The following OPTN variants were observed in gnomAD, a reference collection of about 807,000 sequenced individuals.
The protein encoded by OPTN is E3-14.7K-interacting protein.
OPTN carries 54 observed loss-of-function variants against 70.4 expected under a neutral mutation model. The observed-to-expected ratio is 0.77, with a 90% CI of 0.62 to 0.96. The LOEUF (loss-of-function observed/expected upper bound fraction) is 0.96. OPTN is among the 40% of genes least tolerant of loss of function. The pLI is 0.00. For missense variants in OPTN, 624 were observed against 673.2 expected, an observed-to-expected ratio of 0.93 and a Z score of 0.81; for synonymous variants, 256 against 248.5, an observed-to-expected ratio of 1.03 and a Z score of -0.28.
At chr10:13,104,647 A>T (rs1832825597) in intron 1 of OPTN, 1 of 690,276 alleles carries the variant, frequency 1.4e-6, no homozygotes, top group Non-Finnish European at 2.7e-6. Flanking sequence ...TCTGTTGCCC[A>T]CTAGTCGCCA....
Position 13,111,487 on chromosome 10 carries a change from G to C in OPTN, c.370-966G>C, listed in dbSNP as rs552868399. 2.4e-4 allele frequency among the ~76,000 whole-genome samples: 37 copies of C among 152,066 alleles called. No individual in the cohort carries two copies. The East Asian group carries it at 3.3e-3, about 14-fold the overall frequency. ...CTAGGGTGGGCAGATCACCTGAGGT[G>C]AGGAGTTCGAGACCAGCCTGGCCAA... On this transcript the variant is annotated intron_variant, in intron 4 of 14. Transcript: ENST00000378747.
At position 13,125,106 on chromosome 10, in the gene OPTN, G is replaced by A. The variant is rs116591871; in HGVS notation, c.999-312G>A. Among the ~76,000 whole-genome samples the A allele has an allele frequency of 8.5e-3, 1,299 of 152,046 alleles. 16 individuals are homozygous for A. The highest frequency in any genetic ancestry group is 0.028 in the African/African-American group (1,170 of 41,448). On this transcript the variant is annotated intron_variant, in intron 9 of 14. Coordinates refer to ENST00000378747, the MANE Select transcript of OPTN (RefSeq NM_001008212.2). ...ATCCACACATCACTACATGAGAAGC[G>A]CCTTAGCTAATTACTACTGTGGTCT...
chr10:13,113,053 ACT>A (rs1268968893), intron 5 of OPTN, among the ~76,000 whole-genome samples: 4 of 151,950 alleles, frequency 2.6e-5, no homozygotes, highest in Admixed American at 2.6e-4. Context: ...ACAGAGTCTT[ACT>A]CTGTCTTCCC....
intron 3 of OPTN, chr10:13,110,069 A>G: frequency 1.2e-6 from 1 of 802,490 alleles, no homozygotes; most frequent in Non-Finnish European, 1.9e-6. Flanking sequence ...TGGGATTTTT[A>G]AGGACTAGAA....
At position 13,114,099 on chromosome 10, in the gene OPTN, T is replaced by C. The variant is rs1003708200; in HGVS notation, c.552+1464T>C. On this transcript the variant is annotated intron_variant, in intron 5 of 14. Coordinates refer to ENST00000378747, the MANE Select transcript of OPTN (RefSeq NM_001008212.2). Reference sequence around the variant, plus strand: ...AAAAAAAAAAGAAAAGAAAAAAAATTGTGTCCTTGGAAGAGAAAAATGTAC... The same window carrying C: ...AAAAAAAAAAGAAAAGAAAAAAAATCGTGTCCTTGGAAGAGAAAAATGTAC... Among the ~76,000 whole-genome samples, 4 of 151,540 alleles carry C rather than the reference T, an allele frequency of 2.6e-5. No individual in the cohort carries two copies. In the South Asian group the frequency reaches 6.3e-4, roughly 24 times the overall value.
chr10:13,102,034 G>A (rs906759235), intron 1 of OPTN, among the ~76,000 whole-genome samples: 16 of 152,226 alleles, frequency 1.1e-4, no homozygotes, highest in South Asian at 4.1e-4. Flanking sequence ...CAGAATGGGC[G>A]GAGGAGGTGG....
intron 1 of OPTN, among the ~76,000 whole-genome samples, chr10:13,107,389 T>G (rs1832889548): frequency 9.3e-6 from 1 of 107,428 alleles, no homozygotes. Context: ...AAAACAGTCT[T>G]TTTTTTTTTT....
At chr10:13,108,066 T>C (rs1407736499) in intron 1 of OPTN, 72 bp from the exon 2 acceptor site, 1 of 152,254 alleles carries the variant, frequency 6.6e-6, no homozygotes, top group Admixed American at 6.5e-5. Context: ...TATCTTAGTC[T>C]TTTCAGTATG....
chr10:13,107,593 G>A lies in OPTN; in HGVS notation c.-163-545G>A, dbSNP rs1379615726. 2.0e-5 allele frequency among the ~76,000 whole-genome samples: 3 copies of A among 151,722 alleles called. No individual in the cohort carries two copies. The East Asian group carries it at 6.0e-4, about 30-fold the overall frequency. On this transcript the variant is annotated intron_variant, in intron 1 of 14. Transcript: ENST00000378747. ...AGACAGGGTTTCACCGTGTTAGCCA[G>A]GATGGTCTCGATCTCCTGACCTCGT...
intron 5 of OPTN, among the ~76,000 whole-genome samples, chr10:13,115,804 AACTTGGCCAAG>A (rs1833194233): frequency 6.6e-6 from 1 of 151,520 alleles, no homozygotes; most frequent in Non-Finnish European, 1.5e-5. Flanking sequence ...AATGGGAACC[AACTTGGCCAAG>A]ATGGTGCTTT....
In OPTN at chr10:13,127,865, G is replaced by A. The variant is rs1833502024; in HGVS notation, c.1363G>A (p.Glu455Lys). The change falls in exon 12 of 15, where the codon GAA becomes AAA. Residue 455 changes from glutamate (E) to lysine (K), a missense_variant. By Grantham distance (56) the Glu-to-Lys change is moderately conservative. Coordinates refer to ENST00000378747, the MANE Select transcript of OPTN (RefSeq NM_001008212.2). The part of the protein sequence containing the change: ...DEMKQTIAKQ[E>K]EDLETMTILR... Reference sequence around the variant, plus strand: ...AATGAAGCAAACCATTGCCAAGCAGGAAGAGGACCTGGAAACCATGACCAT... The same window carrying A: ...AATGAAGCAAACCATTGCCAAGCAGAAAGAGGACCTGGAAACCATGACCAT... 1 of 1,614,042 alleles carries A rather than the reference G, an allele frequency of 6.2e-7. No individual in the cohort carries two copies. Among genetic ancestry groups the A allele is most frequent in the Non-Finnish European group, 8.5e-7 (1 of 1,180,036 alleles).
chr10:13,124,353 C>T (rs1833414927), intron 9 of OPTN, among the ~76,000 whole-genome samples: 1 of 152,008 alleles, frequency 6.6e-6, no homozygotes, highest in Non-Finnish European at 1.5e-5. Context: ...GTTAAATGTA[C>T]GAGCCTGGGT....
chr10:13,134,007 C>T (rs1306614694), intron 14 of OPTN, among the ~76,000 whole-genome samples: 3 of 152,180 alleles, frequency 2.0e-5, no homozygotes, highest in Non-Finnish European at 2.9e-5. Flanking sequence ...TGGGGTTTCA[C>T]CGTGTTGGCC....
intron 1 of OPTN, among the ~76,000 whole-genome samples, chr10:13,101,603 G>C (rs952422204): frequency 6.6e-6 from 1 of 151,390 alleles, no homozygotes; most frequent in Non-Finnish European, 1.5e-5. Flanking sequence ...AAAGGAAAAA[G>C]AAAAAAATTA....
intron 5 of OPTN, among the ~76,000 whole-genome samples, chr10:13,115,177 TTTTA>T (rs1833139149): frequency 1.8e-5 from 1 of 54,418 alleles, no homozygotes; most frequent in African/African-American, 6.4e-5. Context: ...TATATCTATA[TTTTA>T]TATATATATT....
chr10:13,134,590 G>A (rs111392121), intron 14 of OPTN, among the ~76,000 whole-genome samples: 9,174 of 152,202 alleles, frequency 0.06, 372 homozygotes, highest in Non-Finnish European at 0.092. Flanking sequence ...ACGCCACCAC[G>A]CCTGGCTAAT....
At chr10:13,126,258 G>A (rs1023257657) in intron 11 of OPTN, among the ~76,000 whole-genome samples, 15 of 151,392 alleles carry the variant, frequency 9.9e-5, no homozygotes, top group African/African-American at 3.6e-4. Flanking sequence ...ATGTCCTATG[G>A]TCAGGGATTA....
At chr10:13,117,323 G>A (rs1174168968) in intron 6 of OPTN, among the ~76,000 whole-genome samples, 2 of 151,202 alleles carry the variant, frequency 1.3e-5, no homozygotes, top group Admixed American at 6.6e-5. Context: ...CTCGTGATCT[G>A]CCCGCCTTGG....
In OPTN at chr10:13,104,565, T is replaced by C. The variant is rs563528452; in HGVS notation, c.-163-3573T>C. 25 of 615,454 alleles carry C rather than the reference T, an allele frequency of 4.1e-5. No homozygotes were observed. In the East Asian group the frequency reaches 8.9e-4, roughly 22 times the overall value. 38.1% of individuals were successfully genotyped at this position (615,454 alleles called of 1,614,324 possible). ...CATGGGTTTCTCTGCTGAACAGCCA[T>C]TTTTTATACTCATTCCAAGGCTTCT... On this transcript the variant is annotated intron_variant, in intron 1 of 14. Transcript: ENST00000378747.
Sources: allele counts gnomAD v4.1 joint callset (sites outside exome capture counted in the v4.1 genomes callset), GRCh38; gene constraint gnomAD v4.1.1; transcripts MANE v1.5; gene names NCBI Gene and HGNC (gene_info 2026-07-23, HGNC 2026-07-21).